Variants in UPP2 observed in about 807,000 individuals in gnomAD.
The protein encoded by UPP2 is uridine phosphorylase 2, also known as UPase 2.
UPP2 carries 23 observed loss-of-function variants against 26.7 expected under a neutral mutation model. The observed-to-expected ratio is 0.86, with a 90% CI of 0.62 to 1.22. The LOEUF (loss-of-function observed/expected upper bound fraction) is 1.22. UPP2 is among the 50% of genes most tolerant of loss of function. The pLI, the probability that UPP2 is intolerant of heterozygous loss-of-function variation, is 0.00. For synonymous variants in UPP2, 127 were observed against 141.3 expected (o/e 0.90, Z 0.72); for missense variants, 387 against 396.7 (o/e 0.98, Z 0.21).
chr2:158,112,688 C>A (rs2105219817), intron 2 of UPP2, among the ~76,000 whole-genome samples: 1 of 152,210 alleles, frequency 6.6e-6, no homozygotes, highest in South Asian at 2.1e-4. Flanking sequence ...ATCCTCTAAT[C>A]TCTCACTAGA....
At chr2:158,103,434 C>G (rs1683117649) in intron 1 of UPP2, among the ~76,000 whole-genome samples, 1 of 152,174 alleles carries the variant, frequency 6.6e-6, no homozygotes, top group Non-Finnish European at 1.5e-5. Context: ...GCCCAGGTCT[C>G]CTTGACCAAG....
chr2:158,020,457 G>A (rs1291781172), intron 3 of UPP2, among the ~76,000 whole-genome samples: 28 of 152,220 alleles, frequency 1.8e-4, no homozygotes. Context: ...GGACGGCAGG[G>A]TGGAGCTGGC....
At chr2:158,064,366 CAT>C (rs148979293) in intron 3 of UPP2, among the ~76,000 whole-genome samples, 102,320 of 151,642 alleles carry the variant, frequency 0.67, 34,947 homozygotes, top group Admixed American at 0.73. Flanking sequence ...GCATTTTTTT[CAT>C]ATGTTTGTTG....
intron 3 of UPP2, among the ~76,000 whole-genome samples, chr2:158,056,858 A>G (rs890942886): frequency 6.6e-6 from 1 of 152,064 alleles, no homozygotes; most frequent in African/African-American, 2.4e-5. Context: ...TTTTTTTCTG[A>G]GAGGAGATGC....
intron 4 of UPP2, among the ~76,000 whole-genome samples, chr2:158,118,619 T>C (rs1425219694): frequency 6.6e-6 from 1 of 152,008 alleles, no homozygotes; most frequent in African/African-American, 2.4e-5. Flanking sequence ...AAGGAGCACA[T>C]CTTGTCAGGG....
chr2:158,071,689 T>C (rs1191805898), intron 3 of UPP2, among the ~76,000 whole-genome samples: 1 of 152,034 alleles, frequency 6.6e-6, no homozygotes, highest in Non-Finnish European at 1.5e-5. Context: ...GGCAGAGTTA[T>C]GAGTCCCCCA....
chr2:158,052,332 T>C lies in UPP2; in HGVS notation c.147+36446T>C, dbSNP rs1462895118. Among the ~76,000 whole-genome samples the C allele has an allele frequency of 3.9e-5, 6 of 152,180 alleles. No individual in the cohort carries two copies. In the East Asian group the frequency reaches 1.2e-3, roughly 29 times the overall value. On this transcript the variant is annotated intron_variant, in intron 3 of 9. Coordinates refer to the UPP2 transcript ENST00000605860. The stretch of plus-strand genomic sequence containing the variant: ...GATGTACCTGACTTATTCTATCAAA[T>C]GAAGCTGTAGTAGAAAGTATGATGG...
intron 3 of UPP2, among the ~76,000 whole-genome samples, chr2:158,061,328 A>C (rs1348568156): frequency 6.6e-6 from 1 of 152,124 alleles, no homozygotes; most frequent in Non-Finnish European, 1.5e-5. Flanking sequence ...TTCCCCTCAC[A>C]CAAGGCCTTA....
intron 3 of UPP2, 99 bp downstream of exon 3, chr2:158,115,358 T>G (rs962533321): frequency 7.2e-7 from 1 of 1,397,006 alleles, no homozygotes; most frequent in African/African-American, 1.4e-5. Context: ...AGCTTCGCAT[T>G]CTTACACAAT....
At chr2:158,051,564 C>T (rs949319814) in intron 3 of UPP2, among the ~76,000 whole-genome samples, 3 of 152,074 alleles carry the variant, frequency 2.0e-5, no homozygotes, top group Non-Finnish European at 4.4e-5. Flanking sequence ...GGCCAGATCA[C>T]GAGGTCAGGA....
chr2:158,100,973 C>T (rs777625051), upstream of UPP2, among the ~76,000 whole-genome samples: 2 of 152,164 alleles, frequency 1.3e-5, no homozygotes, highest in Non-Finnish European at 2.9e-5. Context: ...ACATGGAGAA[C>T]TCAGTTAGGA....
intron 3 of UPP2, among the ~76,000 whole-genome samples, chr2:158,022,439 A>G (rs1463024082): frequency 6.7e-6 from 1 of 149,012 alleles, no homozygotes; most frequent in African/African-American, 2.5e-5. Context: ...AGCCCAGGGA[A>G]CAGAGTGAGA....
intron 2 of UPP2, among the ~76,000 whole-genome samples, chr2:158,112,305 C>A (rs984467818): frequency 6.6e-6 from 1 of 151,998 alleles, no homozygotes; most frequent in African/African-American, 2.4e-5. Context: ...TAAACTCTCA[C>A]CTTTATGTAC....
intron 1 of UPP2, 53 bp from the exon 2 acceptor site, chr2:158,106,046 G>A: frequency 1.5e-6 from 2 of 1,349,970 alleles, no homozygotes; most frequent in Non-Finnish European, 2.0e-6. Flanking sequence ...TCTTTCTTGT[G>A]AGCTTTCTCT....
At chr2:158,059,846 T>C (rs977734872) in intron 3 of UPP2, among the ~76,000 whole-genome samples, 2 of 152,142 alleles carry the variant, frequency 1.3e-5, no homozygotes, top group African/African-American at 4.8e-5. Flanking sequence ...TATCTGGACC[T>C]TTCATCCTTC....
At chr2:158,013,662 A>C (rs371664462) in intron 2 of UPP2, among the ~76,000 whole-genome samples, 1 of 152,240 alleles carries the variant, frequency 6.6e-6, no homozygotes. Flanking sequence ...ATGGATACAG[A>C]GTTCCTGCGT....
chr2:158,000,684 G>C lies in UPP2; in HGVS notation c.61+5425G>C, dbSNP rs114416945. On this transcript the variant is annotated intron_variant, in intron 2 of 9. Transcript: ENST00000605860. ...CTCGGAGAAATTTATTGGCCTGTTA[G>C]AGTCACATGTCCATTACTGAGCCAA... Among the ~76,000 whole-genome samples, 1,168 of 152,350 alleles carry C rather than the reference G, an allele frequency of 7.7e-3. 15 individuals carry two copies. Among genetic ancestry groups the C allele is most frequent in the African/African-American group, 0.027 (1,109 of 41,584 alleles).
At chr2:158,024,592 G>C (rs1245478417) in intron 3 of UPP2, among the ~76,000 whole-genome samples, 2 of 152,164 alleles carry the variant, frequency 1.3e-5, no homozygotes, top group Non-Finnish European at 2.9e-5. Flanking sequence ...TTTAACGTGA[G>C]TGTTAATTTT....
intron 2 of UPP2, among the ~76,000 whole-genome samples, chr2:158,002,279 A>C (rs1350315239): frequency 6.6e-6 from 1 of 152,172 alleles, no homozygotes; most frequent in African/African-American, 2.4e-5. Context: ...ACCAAAGATA[A>C]ACGTGCAACT....
Sources: allele counts gnomAD v4.1 joint callset (sites outside exome capture counted in the v4.1 genomes callset), GRCh38; gene constraint gnomAD v4.1.1; transcripts MANE v1.5; gene names NCBI Gene and HGNC (gene_info 2026-07-23, HGNC 2026-07-21).